ZYX: variants seen among roughly 807,000 people sequenced by gnomAD.
ZYX encodes zyxin-2.
A neutral mutation model predicts 58.1 loss-of-function variants in ZYX; 37 were observed. The ratio of observed to expected loss-of-function variants is 0.64; its 90% confidence interval spans 0.49 to 0.84. The LOEUF (loss-of-function observed/expected upper bound fraction) is 0.84. Among genes scored for constraint, ZYX ranks in the 40% least tolerant of loss-of-function variants. The pLI is 0.00. For missense variants in ZYX, 762 were observed against 761.6 expected (o/e 1.00, Z -0.01); for synonymous variants, 324 against 321.1 (o/e 1.01, Z -0.10).
At chr7:143,385,413 G>A (rs1024270788) in intron 5 of ZYX, among the ~76,000 whole-genome samples, 9 of 151,582 alleles carry the variant, frequency 5.9e-5, no homozygotes, top group Non-Finnish European at 1.3e-4. Flanking sequence ...GTGAGTGTAT[G>A]TGCATGTGTG....
Position 143,389,836 on chromosome 7 carries a change from G to A in ZYX, c.1494-21G>A. ...GATGAAAGCCCTGGCTAACTCGGCT[G>A]GCCCTTTCTGCCCCTTCCAGGCAGT... is the stretch of plus-strand genomic sequence containing the variant. On this transcript the variant is annotated intron_variant, in intron 8 of 9. Transcript: ENST00000322764. This position sits in a 1 kb window ranked among gnomAD's most constrained non-coding sequence, Gnocchi z 5.6. 4.3e-6 allele frequency: 7 copies of A among 1,613,028 alleles called. No homozygotes were observed. Among genetic ancestry groups the A allele is most frequent in the Non-Finnish European group, 5.9e-6 (7 of 1,179,782 alleles).
chr7:143,384,731 G>GGA lies in ZYX; in HGVS notation c.1023+1409_1023+1410insGA, dbSNP rs1804792244. 6.6e-6 allele frequency among the ~76,000 whole-genome samples: 1 copy of GGA among 152,186 alleles called. No homozygotes were observed. The highest frequency in any genetic ancestry group is 2.4e-5 in the African/African-American group (1 of 41,442). On this transcript the variant is annotated intron_variant, in intron 5 of 9. Coordinates refer to ENST00000322764, the MANE Select transcript of ZYX (RefSeq NM_003461.5). The surrounding 1 kb of genome is among the most constrained non-coding windows in gnomAD (Gnocchi z 4.9). ...AGGGATGAGCAATTGGAAGACAAGGGTGAGGGGAAGAGGGAAAAAAAAGTC... is the reference window on the plus strand; with the variant it reads ...AGGGATGAGCAATTGGAAGACAAGGGGATGAGGGGAAGAGGGAAAAAAAAGTC...
At chr7:143,382,743 A>G (rs1332708817) in intron 4 of ZYX, 58 bp downstream of exon 4, 1 of 1,613,848 alleles carries the variant, frequency 6.2e-7, no homozygotes, top group South Asian at 1.1e-5. Context: ...TGGGCATAGA[A>G]CTAAGGAGGA....
chr7:143,382,913 G>T lies in ZYX; in HGVS notation c.614G>T (p.Ser205Ile). The change falls in exon 5 of 10, where the codon AGC becomes ATC. Residue 205 changes from serine to isoleucine, a missense_variant. Ser to Ile is a moderately radical substitution (Grantham distance 142). Coordinates refer to ENST00000322764, the MANE Select transcript of ZYX (RefSeq NM_003461.5). ...CTGCCTCCTTGGAAGTCCCCTTCCA[G>T]CTCCCAGCCTCTGCCCCAGGTTCCG... ...APLPPWKSPS[S>I]SQPLPQVPAP... 6.2e-7 allele frequency: 1 copy of T among 1,614,004 alleles called. No homozygotes were observed. The highest frequency in any genetic ancestry group is 8.5e-7 in the Non-Finnish European group (1 of 1,179,976).
rs960012948 is a variant in ZYX, at chr7:143,388,526, G to A, written c.1182G>A (p.Ala394=). The change falls in exon 7 of 10, where the codon GCG becomes GCA. Residue 394 remains alanine, a synonymous_variant. Transcript: ENST00000322764. The surrounding 1 kb of genome is among the most constrained non-coding windows in gnomAD (Gnocchi z 7.5). ...GATGCCATCAACCCCTGGCCCGGGC[G>A]CAGCCAGCCGTCCGCGCTCTAGGGC... ...CGRCHQPLAR[A]QPAVRALGQL... 18 of 1,610,248 alleles carry A rather than the reference G, an allele frequency of 1.1e-5. No individual in the cohort carries two copies. Among genetic ancestry groups the A allele is most frequent in the African/African-American group, 5.3e-5 (4 of 74,906 alleles).
Position 143,381,579 on chromosome 7 carries a change from C to T in ZYX, c.8C>T (p.Ala3Val), listed in dbSNP as rs762897593. 7 of 1,609,476 alleles carry T rather than the reference C, an allele frequency of 4.3e-6. No homozygotes were observed. Among genetic ancestry groups the T allele is most frequent in the Admixed American group, 1.7e-5 (1 of 59,876 alleles). MA[A>V]PRPSPAISVS... ...CAGCAGCCCGGCCCGGCCATGGCGG[C>T]CCCCCGCCCGTCTCCCGCGATCTCC... The change falls in exon 2 of 10, where the codon GCC becomes GTC. Residue 3 changes from alanine (A) to valine (V), a missense_variant. Coordinates refer to ENST00000322764, the MANE Select transcript of ZYX (RefSeq NM_003461.5).
Position 143,382,308 on chromosome 7 carries a change from G to A in ZYX, c.269G>A (p.Gly90Glu). 6.2e-7 allele frequency: 1 copy of A among 1,611,444 alleles called. No homozygotes were observed. Among genetic ancestry groups the A allele is most frequent in the African/African-American group, 1.3e-5 (1 of 74,936 alleles). ...GDGDDAEGAL[G>E]GAFPPPPPPI... Reference sequence around the variant, plus strand: ...GGCGACGATGCAGAGGGTGCTCTGGGAGGTGCCTTCCCGCCGCCCCCTCCC... The same window carrying A: ...GGCGACGATGCAGAGGGTGCTCTGGAAGGTGCCTTCCCGCCGCCCCCTCCC... Residue 90 changes from glycine to glutamate, a missense_variant, in exon 3 of 10, where the codon GGA (glycine) becomes GAA (glutamate). Transcript: ENST00000322764.
In ZYX at chr7:143,388,770, A is replaced by G; in HGVS notation, c.1318A>G (p.Thr440Ala). The change falls in exon 8 of 10, where the codon ACC becomes GCC. Residue 440 changes from threonine (T) to alanine (A), a missense_variant. Thr to Ala is a moderately conservative substitution (Grantham distance 58). Transcript: ENST00000322764. This position sits in a 1 kb window ranked among gnomAD's most constrained non-coding sequence, Gnocchi z 7.5. Reference sequence around the variant, plus strand: ...CCTCCTCCTGCTGCCTCCTCAGGACACCCTGGAGAAGTGTAACACCTGCGG... The same window carrying G: ...CCTCCTCCTGCTGCCTCCTCAGGACGCCCTGGAGAAGTGTAACACCTGCGG... ...APYCEGCYTD[T>A]LEKCNTCGEP... 3 of 1,612,978 alleles carry G rather than the reference A, an allele frequency of 1.9e-6. No individual in the cohort carries two copies. Among genetic ancestry groups the G allele is most frequent in the Non-Finnish European group, 2.5e-6 (3 of 1,179,412 alleles).
In ZYX at chr7:143,390,981, G is replaced by A; in HGVS notation, c.*299G>A. The A allele has an allele frequency of 2.4e-6, 1 of 412,650 alleles. No homozygotes were observed. Among genetic ancestry groups the A allele is most frequent in the Admixed American group, 4.1e-5 (1 of 24,602 alleles). The allele number at this position is 412,650 out of a possible 1,614,324, so 25.6% of individuals were successfully genotyped here. ...TTTCACTGCTGCACCCGCGCCCTCGGCCGGCCCCCCGAGCAGCCTTTGTAC... is the reference window on the plus strand; with the variant it reads ...TTTCACTGCTGCACCCGCGCCCTCGACCGGCCCCCCGAGCAGCCTTTGTAC... On this transcript the variant is annotated 3_prime_UTR_variant, in exon 10 of 10. Coordinates refer to ENST00000322764, the MANE Select transcript of ZYX (RefSeq NM_003461.5). This position sits in a 1 kb window ranked among gnomAD's most constrained non-coding sequence, Gnocchi z 4.3.
At position 143,389,092 on chromosome 7, in the gene ZYX, A is replaced by G; in HGVS notation, c.1493+147A>G. On this transcript the variant is annotated intron_variant, in intron 8 of 9. Transcript: ENST00000322764. This position sits in a 1 kb window ranked among gnomAD's most constrained non-coding sequence, Gnocchi z 5.6. ...GTCTGTAAACAGCAGGGACCAAGTC[A>G]TCGGGATGTAGCTGTCCAGGGGCCT... 3 of 940,610 alleles carry G rather than the reference A, an allele frequency of 3.2e-6. No individual in the cohort carries two copies. The highest frequency in any genetic ancestry group is 2.6e-5 in the East Asian group (1 of 38,300). 58.3% of individuals were successfully genotyped at this position (940,610 alleles called of 1,614,324 possible).
Position 143,388,514 on chromosome 7 carries a change from C to G in ZYX, c.1170C>G (p.Pro390=), listed in dbSNP as rs1416044263. 1 of 1,610,366 alleles carries G rather than the reference C, an allele frequency of 6.2e-7. No individual in the cohort carries two copies. Among genetic ancestry groups the G allele is most frequent in the South Asian group, 1.1e-5 (1 of 91,044 alleles). Residue 390 remains proline, a synonymous_variant, in exon 7 of 10, where the codon CCC becomes CCG. Coordinates refer to ENST00000322764, the MANE Select transcript of ZYX (RefSeq NM_003461.5). The surrounding 1 kb of genome is among the most constrained non-coding windows in gnomAD (Gnocchi z 7.5). ...VNELCGRCHQ[P]LARAQPAVRA... Reference sequence around the variant, plus strand: ...AACTCTGCGGCCGATGCCATCAACCCCTGGCCCGGGCGCAGCCAGCCGTCC... The same window carrying G: ...AACTCTGCGGCCGATGCCATCAACCGCTGGCCCGGGCGCAGCCAGCCGTCC...
chr7:143,391,037 G>C lies in ZYX; in HGVS notation c.*355G>C, dbSNP rs1048122026. ...TTGCGGAGGGCTGGGAGACCCTCCAGGACATTCCCACCCTCCCCCATGCTG... is the reference window on the plus strand; with the variant it reads ...TTGCGGAGGGCTGGGAGACCCTCCACGACATTCCCACCCTCCCCCATGCTG... On this transcript the variant is annotated 3_prime_UTR_variant, in exon 10 of 10. Coordinates refer to ENST00000322764, the MANE Select transcript of ZYX (RefSeq NM_003461.5). 1 of 328,326 alleles carries C rather than the reference G, an allele frequency of 3.0e-6. No homozygotes were observed. Among genetic ancestry groups the C allele is most frequent in the African/African-American group, 2.1e-5 (1 of 46,794 alleles). The allele number at this position is 328,326 out of a possible 1,614,324, so 20.3% of individuals were successfully genotyped here. A position where few individuals can be genotyped will look rare whatever the true frequency, so the allele number is the denominator to read the frequency against.
In ZYX at chr7:143,381,372, C is replaced by T; in HGVS notation, c.-53C>T. 3.4e-6 allele frequency: 4 copies of T among 1,167,466 alleles called. No homozygotes were observed. Among genetic ancestry groups the T allele is most frequent in the Non-Finnish European group, 4.2e-6 (4 of 944,746 alleles). 72.3% of individuals were successfully genotyped at this position (1,167,466 alleles called of 1,614,324 possible). ...AGAGTCTGCGGACCCGGCGCCGAGG[C>T]GGCCACCCGAGACGCGGCGCGCACG... is the stretch of plus-strand genomic sequence containing the variant. On this transcript the variant is annotated 5_prime_UTR_variant, in exon 1 of 10. Transcript: ENST00000322764.
In ZYX at chr7:143,381,516, G is replaced by A. The variant is rs1804575850; in HGVS notation, c.-15-41G>A. 3 of 1,563,004 alleles carry A rather than the reference G, an allele frequency of 1.9e-6. No individual in the cohort carries two copies. In the East Asian group the frequency reaches 7.1e-5, roughly 37 times the overall value. On this transcript the variant is annotated intron_variant, in intron 1 of 9. Coordinates refer to ENST00000322764, the MANE Select transcript of ZYX (RefSeq NM_003461.5). ...GGAGCTGGGACCGCCTGGGGCTCCT[G>A]AGCCCGGCTCCGCGCTGCGTAACCC...
rs982109285 is a variant in ZYX, at chr7:143,383,559, C to T, written c.1023+237C>T. Among the ~76,000 whole-genome samples, 6 of 151,900 alleles carry T rather than the reference C, an allele frequency of 3.9e-5. No homozygotes were observed. The South Asian group carries it at 6.2e-4, about 16-fold the overall frequency. On this transcript the variant is annotated intron_variant, in intron 5 of 9. Transcript: ENST00000322764. The stretch of plus-strand genomic sequence containing the variant: ...GCTGGGTGGGGCCTGGCTGGGACGG[C>T]GCAGAGAGCATGGGCTCTGAATTAG...
intron 5 of ZYX, among the ~76,000 whole-genome samples, chr7:143,385,938 C>A (rs536216340): frequency 1.3e-5 from 2 of 150,342 alleles, no homozygotes; most frequent in South Asian, 4.2e-4. Context: ...AGCCACCGCG[C>A]CTGGCCTGGT....
intron 5 of ZYX, 37 bp downstream of exon 5, chr7:143,383,359 G>A: frequency 6.4e-7 from 1 of 1,552,192 alleles, no homozygotes; most frequent in Non-Finnish European, 8.7e-7. Flanking sequence ...TGGTACCAGG[G>A]CACTGGGGCG....
At position 143,382,979 on chromosome 7, in the gene ZYX, A is replaced by T. The variant is rs749185061; in HGVS notation, c.680A>T (p.Gln227Leu). The change falls in exon 5 of 10, where the codon CAG becomes CTG. Residue 227 changes from glutamine (Q) to leucine (L), a missense_variant. Gln to Leu is a moderately radical substitution (Grantham distance 113). Coordinates refer to ENST00000322764, the MANE Select transcript of ZYX (RefSeq NM_003461.5). ...QSQTQFHVQP[Q>L]PQPKPQVQLH... ...CAGACACAGTTCCATGTTCAGCCCC[A>T]GCCCCAGCCCAAGCCTCAGGTCCAA... 6 of 1,613,422 alleles carry T rather than the reference A, an allele frequency of 3.7e-6. No individual in the cohort carries two copies. In the South Asian group the frequency reaches 6.6e-5, roughly 18 times the overall value.
chr7:143,381,594 C>T lies in ZYX; in HGVS notation c.23C>T (p.Pro8Leu). 1.2e-6 allele frequency: 2 copies of T among 1,611,210 alleles called. No homozygotes were observed. The highest frequency in any genetic ancestry group is 1.7e-6 in the Non-Finnish European group (2 of 1,179,090). ...GCCATGGCGGCCCCCCGCCCGTCTC[C>T]CGCGATCTCCGTTTCGGTCTCGGCT... Reference protein sequence around the residue: MAAPRPSPAISVSVSAPA... With the variant: MAAPRPSLAISVSVSAPA... The change falls in exon 2 of 10, where the codon CCC becomes CTC. Residue 8 changes from proline to leucine, a missense_variant. By Grantham distance (98) the Pro-to-Leu change is moderately conservative. Transcript: ENST00000322764.
Sources: gnomAD v4.1 joint callset for allele counts (sites outside exome capture counted in the v4.1 genomes callset) on GRCh38, gnomAD v4.1.1 for gene constraint, Gnocchi (gnomAD v3.1) non-coding constraint, MANE v1.5 for transcripts, NCBI Gene and HGNC (gene_info 2026-07-23, HGNC 2026-07-21) for gene names.